Variants in RARB observed in about 807,000 individuals in gnomAD.
RARB encodes the protein retinoic acid receptor beta.
RARB carries 17 observed loss-of-function variants against 51.9 expected under a neutral mutation model. The observed-to-expected ratio is 0.33, with a 90% CI of 0.22 to 0.49. The LOEUF is 0.49. Ranked by LOEUF, RARB falls within the 20% of genes least tolerant of loss-of-function variation. RARB has a pLI of 0.99. For missense variants in RARB, 369 were observed against 550.8 expected (o/e 0.67, Z 3.30); for synonymous variants, 215 against 195.4 (o/e 1.10, Z -0.84).
At chr3:25,135,636 T>A (rs1182822039) in intron 4 of RARB, among the ~76,000 whole-genome samples, 1 of 152,010 alleles carries the variant, frequency 6.6e-6, no homozygotes, top group East Asian at 1.9e-4. Context: ...AGAAACACAT[T>A]GATGTCAGTG....
chr3:24,833,238 A>G (rs1346708568), intron 1 of RARB: 1 of 152,248 alleles, frequency 6.6e-6, no homozygotes, highest in East Asian at 1.9e-4. Flanking sequence ...TTCTGTTGGC[A>G]TCTTTCAGTG....
Position 24,993,052 on chromosome 3 carries a change from A to T in RARB, c.-379-67073A>T, listed in dbSNP as rs987926847. Among the ~76,000 whole-genome samples the T allele has an allele frequency of 3.9e-5, 6 of 152,380 alleles. 1 individual carries two copies. The highest frequency in any genetic ancestry group is 3.4e-3 in the Middle Eastern group (1 of 294). On this transcript the variant is annotated intron_variant, in intron 2 of 11. Coordinates refer to the RARB transcript ENST00000383772. ...GAAATAAAAAATATTAGAAATCTAT[A>T]TACAATAAAAAGTGAATATACGTTA...
At chr3:25,285,915 C>T (rs534873251) in intron 5 of RARB, among the ~76,000 whole-genome samples, 1 of 152,142 alleles carries the variant, frequency 6.6e-6, no homozygotes, top group Non-Finnish European at 1.5e-5. Context: ...TACATCTACA[C>T]ATGCTCAGTA....
chr3:24,949,396 G>A (rs889715236), intron 2 of RARB, among the ~76,000 whole-genome samples: 1 of 152,092 alleles, frequency 6.6e-6, no homozygotes, highest in Admixed American at 6.6e-5. Context: ...CCTTCAATTC[G>A]CCTACTAAGA....
chr3:25,371,429 G>T (rs1706294543), intron 5 of RARB, among the ~76,000 whole-genome samples: 1 of 152,206 alleles, frequency 6.6e-6, no homozygotes, highest in Admixed American at 6.5e-5. Context: ...GTGCTGGCAG[G>T]TCAAGCCTGA....
chr3:24,849,098 C>G (rs545219455), intron 1 of RARB, among the ~76,000 whole-genome samples: 2 of 152,146 alleles, frequency 1.3e-5, no homozygotes, highest in South Asian at 2.1e-4. Flanking sequence ...GTCCCAAACT[C>G]TATATATATT....
intron 5 of RARB, among the ~76,000 whole-genome samples, chr3:25,262,113 C>A (rs1703013118): frequency 6.6e-6 from 1 of 152,130 alleles, no homozygotes; most frequent in Non-Finnish European, 1.5e-5. Flanking sequence ...TATGACTAAA[C>A]CTCTGCCTGT....
intron 3 of RARB, among the ~76,000 whole-genome samples, chr3:25,071,028 C>G (rs1698756577): frequency 6.6e-6 from 1 of 152,194 alleles, no homozygotes. Context: ...TCTTCTGAGT[C>G]TTGAGTGCCA....
At chr3:24,834,164 C>A in intron 1 of RARB, among the ~76,000 whole-genome samples, 1 of 152,202 alleles carries the variant, frequency 6.6e-6, no homozygotes, top group East Asian at 1.9e-4. Context: ...CCTTTGTGAG[C>A]TGAGAAATAT....
intron 2 of RARB, among the ~76,000 whole-genome samples, chr3:24,957,865 T>C (rs57183231): frequency 0.031 from 4,653 of 152,288 alleles, 153 homozygotes; most frequent in East Asian, 0.17. Context: ...GCAGTTCTTA[T>C]TCCCATAATA....
chr3:25,345,046 A>G (rs1705347243), intron 5 of RARB, among the ~76,000 whole-genome samples: 1 of 152,162 alleles, frequency 6.6e-6, no homozygotes, highest in Non-Finnish European at 1.5e-5. Flanking sequence ...TTAAAATGAG[A>G]GAGCAGACAT....
At chr3:25,494,253 G>GCACGCGCGCGCACTCACACACACACACA (rs1553623182) in intron 2 of RARB, among the ~76,000 whole-genome samples, 3,063 of 131,918 alleles carry the variant, frequency 0.023, 56 homozygotes, top group East Asian at 0.065. Flanking sequence ...TGTATCTTAC[G>GCACGCGCGCGCACTCACACACACACACA]CACACACACA....
intron 5 of RARB, among the ~76,000 whole-genome samples, chr3:25,262,757 C>T (rs753818042): frequency 6.6e-6 from 1 of 152,284 alleles, no homozygotes; most frequent in Admixed American, 6.5e-5. Context: ...AAGCTTAATT[C>T]CTATATCCTA....
At chr3:24,832,272 T>A (rs1279940634) in intron 1 of RARB, among the ~76,000 whole-genome samples, 1 of 152,186 alleles carries the variant, frequency 6.6e-6, no homozygotes, top group East Asian at 1.9e-4. Context: ...TCACAGTGAT[T>A]GAATATCCCT....
At chr3:25,509,367 G>A (rs1307314247) in intron 3 of RARB, among the ~76,000 whole-genome samples, 1 of 152,168 alleles carries the variant, frequency 6.6e-6, no homozygotes, top group Non-Finnish European at 1.5e-5. Flanking sequence ...GCTTCTTTTG[G>A]TGACACAGTT....
At chr3:25,368,448 C>T (rs983827359) in intron 5 of RARB, among the ~76,000 whole-genome samples, 1 of 152,122 alleles carries the variant, frequency 6.6e-6, no homozygotes, top group African/African-American at 2.4e-5. Flanking sequence ...CCATATACAG[C>T]ATTTATACAC....
chr3:25,400,061 C>T (rs1457882989), intron 5 of RARB, among the ~76,000 whole-genome samples: 1 of 152,148 alleles, frequency 6.6e-6, no homozygotes, highest in Non-Finnish European at 1.5e-5. Flanking sequence ...TAATGCCAGG[C>T]ATACTGGAAG....
chr3:25,560,450 A>G (rs1700226325), intron 3 of RARB, among the ~76,000 whole-genome samples: 1 of 152,228 alleles, frequency 6.6e-6, no homozygotes, highest in South Asian at 2.1e-4. Context: ...TCTTATTGAC[A>G]TGTGGATGGC....
At chr3:24,887,778 A>G (rs1192430817) in intron 2 of RARB, among the ~76,000 whole-genome samples, 2 of 152,080 alleles carry the variant, frequency 1.3e-5, no homozygotes, top group Non-Finnish European at 2.9e-5. Flanking sequence ...GTCACTTGGG[A>G]GGAAGGCACT....
Sources: allele counts gnomAD v4.1 joint callset (sites outside exome capture counted in the v4.1 genomes callset), GRCh38; gene constraint gnomAD v4.1.1; transcripts MANE v1.5; gene names NCBI Gene and HGNC (gene_info 2026-07-23, HGNC 2026-07-21).